Variants in LANCL3 observed in about 807,000 individuals in gnomAD.
LANCL3 encodes the protein lanC-like protein 3.
A neutral mutation model predicts 26.5 loss-of-function variants in LANCL3; 19 were observed. That is an observed-to-expected ratio of 0.72 (90% CI 0.50 to 1.05). The LOEUF (loss-of-function observed/expected upper bound fraction) is 1.05. Among genes scored for constraint, LANCL3 ranks in the 50% least tolerant of loss-of-function variants. The pLI is 0.00. For missense variants in LANCL3, 318 were observed against 362.7 expected (o/e 0.88, Z 1.00); for synonymous variants, 160 against 166.6 (o/e 0.96, Z 0.30).
chrX:37,580,904 A>G (rs1304283666), intron 1 of LANCL3, among the ~76,000 whole-genome samples: 4 of 112,533 alleles, frequency 3.6e-5, no homozygotes, highest in African/African-American at 1.3e-4. Context: ...CAGATCACAC[A>G]GCTAGTCAGT....
intron 3 of LANCL3, among the ~76,000 whole-genome samples, chrX:37,663,661 A>G (rs1382104248): frequency 9.0e-6 from 1 of 111,418 alleles, no homozygotes; most frequent in African/African-American, 3.3e-5. Flanking sequence ...TCTGCCACAG[A>G]ATGAATTTAA....
intron 1 of LANCL3, among the ~76,000 whole-genome samples, chrX:37,574,911 GTA>G (rs1367412293): frequency 8.0e-5 from 8 of 99,574 alleles, no homozygotes; most frequent in African/African-American, 3.0e-4. Flanking sequence ...GTGTGTGTGT[GTA>G]TGTATATATA....
At position 37,683,525 on chromosome X, in the gene LANCL3, A is replaced by G. The variant is rs1228003111; in HGVS notation, c.*7712A>G. Reference sequence around the variant, plus strand: ...ATTAGCACTAAATCAAACAGCACTTATCTGTTGTATACAAGTAAAATTTTG... The same window carrying G: ...ATTAGCACTAAATCAAACAGCACTTGTCTGTTGTATACAAGTAAAATTTTG... On this transcript the variant is annotated 3_prime_UTR_variant, in exon 5 of 5. Transcript: ENST00000378619. 1 of 112,226 alleles carries G rather than the reference A, an allele frequency of 8.9e-6. No homozygotes were observed. The highest frequency in any genetic ancestry group is 1.9e-5 in the Non-Finnish European group (1 of 53,212). 9.2% of individuals were successfully genotyped at this position (112,226 alleles called of 1,213,427 possible). A position where few individuals can be genotyped will look rare whatever the true frequency, so the allele number is the denominator to read the frequency against.
At chrX:37,652,471 C>G (rs782737827) in intron 1 of LANCL3, among the ~76,000 whole-genome samples, 62 of 111,902 alleles carry the variant, frequency 5.5e-4, no homozygotes, top group African/African-American at 1.8e-3. Context: ...TTAAACTAAA[C>G]AAAACGGTTT....
intron 1 of LANCL3, among the ~76,000 whole-genome samples, chrX:37,594,082 G>T (rs782517829): frequency 9.0e-6 from 1 of 111,562 alleles, no homozygotes; most frequent in Non-Finnish European, 1.9e-5. Context: ...CCAGTGAGAA[G>T]GGGTATGGGG....
At chrX:37,661,721 T>G (rs1407052788) in intron 3 of LANCL3, among the ~76,000 whole-genome samples, 1 of 111,617 alleles carries the variant, frequency 9.0e-6, no homozygotes, top group Non-Finnish European at 1.9e-5. Context: ...AGGAAAACAT[T>G]TTTGAGAGTA....
At chrX:37,667,228 C>A in intron 3 of LANCL3, 54 bp from the exon 4 acceptor site, 3 of 776,704 alleles carry the variant, frequency 3.9e-6, no homozygotes, top group Non-Finnish European at 3.5e-6. Context: ...GGAAGTTCTG[C>A]TCCAAAGTAT....
rs1926943467 is a variant in LANCL3 at position 37,681,934 on chromosome X, A to AG, written c.*6121_*6122insG. 9.0e-6 allele frequency: 1 copy of AG among 111,628 alleles called. No homozygotes were observed. Among genetic ancestry groups the AG allele is most frequent in the African/African-American group, 3.3e-5 (1 of 30,662 alleles). 9.2% of individuals were successfully genotyped at this position (111,628 alleles called of 1,213,427 possible). A position where few individuals can be genotyped will look rare whatever the true frequency, so the allele number is the denominator to read the frequency against. On this transcript the variant is annotated 3_prime_UTR_variant, in exon 5 of 5. Coordinates refer to ENST00000378619, the MANE Select transcript of LANCL3 (RefSeq NM_001170331.2). The stretch of plus-strand genomic sequence containing the variant: ...TGGACATAGATCTTCAGAAAGTACC[A>AG]AAATATATACCTTCCTCTTATTCTT...
intron 1 of LANCL3, among the ~76,000 whole-genome samples, chrX:37,605,458 A>G (rs1002783711): frequency 9.0e-6 from 1 of 111,549 alleles, no homozygotes; most frequent in African/African-American, 3.3e-5. Flanking sequence ...CGGTATATTC[A>G]TCTCATCCCT....
chrX:37,624,097 A>G (rs1336279122), intron 1 of LANCL3, among the ~76,000 whole-genome samples: 2 of 111,700 alleles, frequency 1.8e-5, no homozygotes, highest in African/African-American at 6.5e-5. Context: ...ATCTTTGTAT[A>G]TCTGGGAAAA....
chrX:37,630,012 T>C (rs1222285877), intron 1 of LANCL3, among the ~76,000 whole-genome samples: 3 of 111,860 alleles, frequency 2.7e-5, no homozygotes, highest in Non-Finnish European at 3.8e-5. Context: ...TTGATGGGGA[T>C]GGCATTGAAT....
intron 1 of LANCL3, among the ~76,000 whole-genome samples, chrX:37,575,856 A>G (rs12009554): frequency 1.8e-5 from 2 of 112,410 alleles, no homozygotes; most frequent in Non-Finnish European, 3.8e-5. Context: ...TAAAAGGTCT[A>G]TAGTTTAGAA....
chrX:37,648,954 A>G (rs1405031241), intron 1 of LANCL3, among the ~76,000 whole-genome samples: 1 of 112,076 alleles, frequency 8.9e-6, no homozygotes, highest in East Asian at 2.8e-4. Flanking sequence ...TCAAGAAACA[A>G]TAGATGCTGG....
In LANCL3 at chrX:37,617,038, C is replaced by CA. The variant is rs200013521; in HGVS notation, c.574-38643dup. Reference sequence around the variant, plus strand: ...GTCTTGTCCTTGAGAGCTTATAACTCAAAAAAATGACATTTGAATGTGAAT... The same window carrying CA: ...GTCTTGTCCTTGAGAGCTTATAACTCAAAAAAAATGACATTTGAATGTGAAT... On this transcript the variant is annotated intron_variant, in intron 1 of 4. Transcript: ENST00000378619. 8.7e-3 allele frequency among the ~76,000 whole-genome samples: 783 copies of CA among 90,512 alleles called. 28 individuals carry two copies. The Admixed American group carries it at 0.093, about 11-fold the overall frequency. 78.6% of individuals were successfully genotyped at this position (90,512 alleles called of 115,157 possible).
At chrX:37,616,503 T>C (rs1925013373) in intron 1 of LANCL3, among the ~76,000 whole-genome samples, 1 of 112,017 alleles carries the variant, frequency 8.9e-6, no homozygotes, top group Non-Finnish European at 1.9e-5. Flanking sequence ...TCTGCAGAAA[T>C]GTCAGGGAGG....
chrX:37,649,795 A>G (rs2146774479), intron 1 of LANCL3, among the ~76,000 whole-genome samples: 1 of 110,837 alleles, frequency 9.0e-6, no homozygotes, highest in Non-Finnish European at 1.9e-5. Context: ...CTGGACAGAT[A>G]ATTCTGAGTC....
chrX:37,665,293 T>C (rs1442086527), intron 3 of LANCL3, among the ~76,000 whole-genome samples: 1 of 112,198 alleles, frequency 8.9e-6, no homozygotes, highest in Non-Finnish European at 1.9e-5. Context: ...CCCACTGGTC[T>C]GTTGGTTAGA....
At chrX:37,671,040 A>T (rs1440465664) in intron 4 of LANCL3, among the ~76,000 whole-genome samples, 2 of 111,616 alleles carry the variant, frequency 1.8e-5, no homozygotes, top group Non-Finnish European at 3.8e-5. Flanking sequence ...CAATTCTAAT[A>T]TGTAATTTTT....
chrX:37,655,815 A>G lies in LANCL3; in HGVS notation c.697+4A>G. On this transcript the variant is annotated splice_donor_region_variant and intron_variant, in intron 2 of 4. Coordinates refer to ENST00000378619, the MANE Select transcript of LANCL3 (RefSeq NM_001170331.2). Reference sequence around the variant, plus strand: ...TACTATGGAACCGAATACTTGGGTAAGTGAAGGTGTTTGCATGGGCCTGTA... The same window carrying G: ...TACTATGGAACCGAATACTTGGGTAGGTGAAGGTGTTTGCATGGGCCTGTA... 1 of 1,205,279 alleles carries G rather than the reference A, an allele frequency of 8.3e-7. No individual in the cohort carries two copies. The highest frequency in any genetic ancestry group is 3.0e-5 in the East Asian group (1 of 33,774).
Sources: allele counts gnomAD v4.1 joint callset (sites outside exome capture counted in the v4.1 genomes callset), GRCh38; gene constraint gnomAD v4.1.1; transcripts MANE v1.5; gene names NCBI Gene and HGNC (gene_info 2026-07-23, HGNC 2026-07-21).